Variants in CTNNA3 observed in about 807,000 individuals in gnomAD.
The protein encoded by CTNNA3 is catenin alpha-3.
Under a neutral mutation model 95.7 loss-of-function variants are expected in CTNNA3, and 76 were observed. The ratio of observed to expected loss-of-function variants is 0.79; its 90% confidence interval spans 0.66 to 0.96. CTNNA3 has a LOEUF of 0.96. CTNNA3 is among the 40% of genes least tolerant of loss of function. The pLI is 0.00. For synonymous variants in CTNNA3, 431 were observed against 374.4 expected (o/e 1.15, Z -1.74); for missense variants, 1,191 against 1,089.8 (o/e 1.09, Z -1.31).
At chr10:66,787,515 C>T (rs1388815273) in intron 7 of CTNNA3, among the ~76,000 whole-genome samples, 4 of 152,066 alleles carry the variant, frequency 2.6e-5, no homozygotes, top group Non-Finnish European at 4.4e-5. Flanking sequence ...TCTCCTTCCT[C>T]TCCGGGAAGT....
chr10:67,217,612 A>G (rs57525306), intron 6 of CTNNA3, among the ~76,000 whole-genome samples: 3,066 of 152,262 alleles, frequency 0.02, 109 homozygotes, highest in African/African-American at 0.066. Context: ...CCTCCTCTCC[A>G]ACCACTGCCA....
intron 12 of CTNNA3, among the ~76,000 whole-genome samples, chr10:66,295,571 T>C (rs1197671944): frequency 6.6e-6 from 1 of 152,058 alleles, no homozygotes; most frequent in Non-Finnish European, 1.5e-5. Context: ...TAAGGTAGTG[T>C]CAGTTTATAA....
chr10:66,662,912 T>C (rs1011038863), intron 9 of CTNNA3, among the ~76,000 whole-genome samples: 4 of 152,138 alleles, frequency 2.6e-5, no homozygotes, highest in African/African-American at 9.7e-5. Context: ...ACATAAATCC[T>C]GCTTAAAATG....
chr10:66,446,237 C>T (rs1157480006), intron 11 of CTNNA3, among the ~76,000 whole-genome samples: 1 of 152,120 alleles, frequency 6.6e-6, no homozygotes, highest in Admixed American at 6.5e-5. Flanking sequence ...CGGATTTCTA[C>T]CAAAGATACA....
intron 10 of CTNNA3, among the ~76,000 whole-genome samples, chr10:66,543,929 ATATATATATATATATATATATATATT>A (rs1288912754): frequency 1.4e-5 from 2 of 139,976 alleles, no homozygotes; most frequent in Admixed American, 7.0e-5. Flanking sequence ...ATATATATAT[ATATATATATATATATATATATATATT>A]TGTTCTTCAG....
In CTNNA3 at chr10:67,200,045, C is replaced by G. The variant is rs139358028; in HGVS notation, c.844-19525G>C. Among the ~76,000 whole-genome samples the G allele has an allele frequency of 1.6e-3, 240 of 152,100 alleles. 3 individuals carry two copies. Among genetic ancestry groups the G allele is most frequent in the African/African-American group, 5.6e-3 (231 of 41,506 alleles). On this transcript the variant is annotated intron_variant, in intron 6 of 17. Coordinates refer to ENST00000433211, the MANE Select transcript of CTNNA3 (RefSeq NM_013266.4). ...AGGAAAAAGCAATTGAATATGAAGG[C>G]CAAAATCTCTGAGAAGGAGTGCTTT...
chr10:66,737,865 G>A (rs376472436), intron 9 of CTNNA3, among the ~76,000 whole-genome samples: 30 of 152,102 alleles, frequency 2.0e-4, no homozygotes, highest in Admixed American at 5.9e-4. Flanking sequence ...CACCATGTTG[G>A]CCAGGATAGT....
intron 3 of CTNNA3, among the ~76,000 whole-genome samples, chr10:67,558,929 T>C (rs893179917): frequency 1.1e-4 from 17 of 152,064 alleles, no homozygotes; most frequent in Non-Finnish European, 2.5e-4. Context: ...GCAGCGAGGC[T>C]GGGGGAGGGG....
At chr10:66,480,574 A>G (rs4463745) in intron 11 of CTNNA3, among the ~76,000 whole-genome samples, 1 of 152,090 alleles carries the variant, frequency 6.6e-6, no homozygotes. Flanking sequence ...ATGATATTAC[A>G]TAATTTTCAG....
At position 66,963,476 on chromosome 10, in the gene CTNNA3, T is replaced by C. The variant is rs567257280; in HGVS notation, c.1048-187952A>G. ...TCATTCCTCTTGACAACGATTACTT[T>C]CCAAGTAGATGTGAGCAAATAATAG... On this transcript the variant is annotated intron_variant, in intron 7 of 17. Coordinates refer to ENST00000433211, the MANE Select transcript of CTNNA3 (RefSeq NM_013266.4). 7.9e-5 allele frequency among the ~76,000 whole-genome samples: 12 copies of C among 152,238 alleles called. No individual in the cohort carries two copies. The East Asian group carries it at 1.9e-3, about 25-fold the overall frequency.
At chr10:67,139,992 T>C (rs1860478611) in intron 7 of CTNNA3, among the ~76,000 whole-genome samples, 2 of 152,208 alleles carry the variant, frequency 1.3e-5, no homozygotes, top group African/African-American at 2.4e-5. Flanking sequence ...GATCTGTCTA[T>C]AGAGTGCTTT....
chr10:66,560,297 C>T (rs1221134566), intron 10 of CTNNA3, among the ~76,000 whole-genome samples: 2 of 146,196 alleles, frequency 1.4e-5, no homozygotes, highest in African/African-American at 5.6e-5. Flanking sequence ...CTTTTTGAGT[C>T]TTGGTTTTCT....
At chr10:67,532,367 G>T (rs1339974630) in intron 4 of CTNNA3, among the ~76,000 whole-genome samples, 3 of 152,150 alleles carry the variant, frequency 2.0e-5, no homozygotes, top group African/African-American at 4.8e-5. Flanking sequence ...GAGAGTCTCA[G>T]CTGCCAACAT....
chr10:66,896,882 G>A (rs1250244020), intron 7 of CTNNA3, among the ~76,000 whole-genome samples: 2 of 152,114 alleles, frequency 1.3e-5, no homozygotes, highest in Non-Finnish European at 2.9e-5. Flanking sequence ...TGTGTTCCTT[G>A]TTGCGCTCCT....
intron 17 of CTNNA3, among the ~76,000 whole-genome samples, chr10:65,930,213 A>C (rs991387530): frequency 8.6e-5 from 13 of 150,972 alleles, no homozygotes; most frequent in East Asian, 1.9e-4. Flanking sequence ...AAAAAAAAAA[A>C]AAAAAAAAAA....
chr10:67,054,268 A>G (rs192095400), intron 7 of CTNNA3, among the ~76,000 whole-genome samples: 78 of 152,286 alleles, frequency 5.1e-4, no homozygotes, highest in African/African-American at 1.8e-3. Context: ...AGATATAAAA[A>G]TTTACCCCAG....
At position 66,480,397 on chromosome 10, in the gene CTNNA3, T is replaced by C. The variant is rs989388867; in HGVS notation, c.1531+40220A>G. Among the ~76,000 whole-genome samples the C allele has an allele frequency of 4.6e-5, 7 of 152,306 alleles. No individual in the cohort carries two copies. The East Asian group carries it at 9.6e-4, about 21-fold the overall frequency. ...TGTTCCCAGCTCCTCTAATCAATCA[T>C]GTATTTCTGTGTCAGTGTATTTCTT... On this transcript the variant is annotated intron_variant, in intron 11 of 17. Transcript: ENST00000433211.
rs747835139 is a variant in CTNNA3, at chr10:67,219,776, C to T, written c.674G>A (p.Cys225Tyr). ...SPLLHSICSA[C>Y]LEHSDVASLK... ...GGAAGCAACATCAGAATGCTCCAAACAAGCTGAACAAATTGAATGCAAGAG... is the reference window on the plus strand; with the variant it reads ...GGAAGCAACATCAGAATGCTCCAAATAAGCTGAACAAATTGAATGCAAGAG... The change falls in exon 6 of 18, where the codon TGT (cysteine) becomes TAT (tyrosine). Residue 225 changes from cysteine (C) to tyrosine (Y), a missense_variant. Cys to Tyr is a radical substitution (Grantham distance 194). Coordinates refer to ENST00000433211, the MANE Select transcript of CTNNA3 (RefSeq NM_013266.4). 1 of 1,614,118 alleles carries T rather than the reference C, an allele frequency of 6.2e-7. No homozygotes were observed. The highest frequency in any genetic ancestry group is 8.5e-7 in the Non-Finnish European group (1 of 1,180,006).
At chr10:67,085,175 C>T (rs1260866079) in intron 7 of CTNNA3, among the ~76,000 whole-genome samples, 1 of 151,866 alleles carries the variant, frequency 6.6e-6, no homozygotes, top group Admixed American at 6.6e-5. Flanking sequence ...AATAACACCT[C>T]ACATTTTTTA....
Sources: allele counts gnomAD v4.1 joint callset (sites outside exome capture counted in the v4.1 genomes callset), GRCh38; gene constraint gnomAD v4.1.1; transcripts MANE v1.5; gene names NCBI Gene and HGNC (gene_info 2026-07-23, HGNC 2026-07-21).